HEY2: variants seen among roughly 807,000 people sequenced by gnomAD.
HEY2 encodes the protein hairy/enhancer-of-split related with YRPW motif protein 2.
HEY2 carries 10 observed loss-of-function variants against 18.1 expected under a neutral mutation model. The observed-to-expected ratio is 0.55, with a 90% CI of 0.34 to 0.94. HEY2 has a LOEUF of 0.94. HEY2 is among the 40% of genes least tolerant of loss of function. The pLI is 0.02. For missense variants in HEY2, 455 were observed against 455.9 expected (o/e 1.00, Z 0.02); for synonymous variants, 210 against 182.7 (o/e 1.15, Z -1.21).
In HEY2 at chr6:125,760,379, G is replaced by A. The variant is rs1030798151; in HGVS notation, c.*577G>A. 1 of 152,864 alleles carries A rather than the reference G, an allele frequency of 6.5e-6. No homozygotes were observed. Among genetic ancestry groups the A allele is most frequent in the African/African-American group, 2.4e-5 (1 of 41,454 alleles). 9.5% of individuals were successfully genotyped at this position (152,864 alleles called of 1,614,324 possible). A position where few individuals can be genotyped will look rare whatever the true frequency, so the allele number is the denominator to read the frequency against. On this transcript the variant is annotated 3_prime_UTR_variant, in exon 5 of 5. Coordinates refer to ENST00000368364, the MANE Select transcript of HEY2 (RefSeq NM_012259.3). ...ACCAACAGGTTTTACTGGTCAAAATGACTGCTGAAAATAATTTTCAAGTTG... is the reference window on the plus strand; with the variant it reads ...ACCAACAGGTTTTACTGGTCAAAATAACTGCTGAAAATAATTTTCAAGTTG...
In HEY2 at chr6:125,749,728, C is replaced by A. The variant is rs1305375286; in HGVS notation, c.-49C>A. 2 of 1,458,734 alleles carry A rather than the reference C, an allele frequency of 1.4e-6. No homozygotes were observed. Among genetic ancestry groups the A allele is most frequent in the Admixed American group, 4.0e-5 (2 of 50,016 alleles). 90.4% of individuals were successfully genotyped at this position (1,458,734 alleles called of 1,614,324 possible). A position where few individuals can be genotyped will look rare whatever the true frequency, so the allele number is the denominator to read the frequency against. ...GGGCGTCAGGGTGCTGCGCCCCGCT[C>A]GGCGTCCGAGCTTCCGGCCGGGCTG... On this transcript the variant is annotated 5_prime_UTR_variant, in exon 1 of 5. Coordinates refer to ENST00000368364, the MANE Select transcript of HEY2 (RefSeq NM_012259.3).
At chr6:125,754,167 T>C (rs3799711) in intron 3 of HEY2, among the ~76,000 whole-genome samples, 62,631 of 152,030 alleles carry the variant, frequency 0.41, 14,631 homozygotes, top group East Asian at 0.7. Context: ...TTTTTACAAC[T>C]GAAATCATTT....
intron 4 of HEY2, among the ~76,000 whole-genome samples, chr6:125,757,157 G>T (rs1583190398): frequency 6.6e-6 from 1 of 152,246 alleles, no homozygotes; most frequent in South Asian, 2.1e-4. Flanking sequence ...AGAGGATTTA[G>T]TAGAATAACC....
At position 125,749,637 on chromosome 6, in the gene HEY2, A is replaced by T; in HGVS notation, c.-140A>T. On this transcript the variant is annotated 5_prime_UTR_variant, in exon 1 of 5. Coordinates refer to ENST00000368364, the MANE Select transcript of HEY2 (RefSeq NM_012259.3). ...CGAGCAGAGTTGCGGCGTGGGAAAG[A>T]GCCGCTAGGAGCAGACCGCGCCGCC... 1 of 478,174 alleles carries T rather than the reference A, an allele frequency of 2.1e-6. No homozygotes were observed. Among genetic ancestry groups the T allele is most frequent in the Non-Finnish European group, 3.5e-6 (1 of 282,930 alleles). The allele number at this position is 478,174 out of a possible 1,614,324, so 29.6% of individuals were successfully genotyped here.
In HEY2 at chr6:125,754,454, T is replaced by C. The variant is rs369600144; in HGVS notation, c.247-11T>C. 120 of 1,449,970 alleles carry C rather than the reference T, an allele frequency of 8.3e-5. No homozygotes were observed. The African/African-American group carries it at 1.4e-3, about 17-fold the overall frequency. The allele number at this position is 1,449,970 out of a possible 1,614,324, so 89.8% of individuals were successfully genotyped here. On this transcript the variant is annotated splice_polypyrimidine_tract_variant and intron_variant, in intron 3 of 4. Transcript: ENST00000368364. ...ACATAGGATTATTTATTTATTTATT[T>C]ATTTATGAAGGGATCTGCAAAGTTA...
At chr6:125,751,277 G>C (rs1773537976) in intron 1 of HEY2, among the ~76,000 whole-genome samples, 1 of 152,184 alleles carries the variant, frequency 6.6e-6, no homozygotes, top group South Asian at 2.1e-4. Flanking sequence ...ATGACTAACT[G>C]AAGTTTTGAA....
chr6:125,756,539 C>A (rs1294889754), intron 4 of HEY2, among the ~76,000 whole-genome samples: 1 of 151,712 alleles, frequency 6.6e-6, no homozygotes, highest in Non-Finnish European at 1.5e-5. Flanking sequence ...TGCACTCCAG[C>A]CTGGGCAATA....
At position 125,759,756 on chromosome 6, in the gene HEY2, A is replaced by C. The variant is rs1274204301; in HGVS notation, c.968A>C (p.Asn323Thr). 6.2e-7 allele frequency: 1 copy of C among 1,613,854 alleles called. No individual in the cohort carries two copies. Among genetic ancestry groups the C allele is most frequent in the African/African-American group, 1.3e-5 (1 of 74,920 alleles). ...SSPQQTSSGT[N>T]NKPYRPWGTE... ...CCTCAGCAGACCAGCAGTGGAACAA[A>C]CAATAAACCTTACCGACCCTGGGGG... Residue 323 changes from asparagine to threonine, a missense_variant, in exon 5 of 5, where the codon AAC becomes ACC. Transcript: ENST00000368364.
chr6:125,755,575 A>T (rs911138556), intron 4 of HEY2, among the ~76,000 whole-genome samples: 1 of 152,140 alleles, frequency 6.6e-6, no homozygotes, highest in African/African-American at 2.4e-5. Context: ...ACTGTTACCA[A>T]TATTTAACTC....
In HEY2 at chr6:125,759,282, A is replaced by G. The variant is rs1286526266; in HGVS notation, c.494A>G (p.Glu165Gly). 1 of 1,606,374 alleles carries G rather than the reference A, an allele frequency of 6.2e-7. No individual in the cohort carries two copies. The highest frequency in any genetic ancestry group is 1.1e-5 in the South Asian group (1 of 91,058). The stretch of plus-strand genomic sequence containing the variant: ...CTCAGCACTTGCGCCACCCAGCGGG[A>G]GGCGGCGGCCATGACATCCTCCATG... ...SHLSTCATQR[E>G]AAAMTSSMAH... The change falls in exon 5 of 5, where the codon GAG becomes GGG. Residue 165 changes from glutamate to glycine, a missense_variant. Transcript: ENST00000368364.
At chr6:125,755,256 G>A (rs181670076) in intron 4 of HEY2, among the ~76,000 whole-genome samples, 6 of 152,236 alleles carry the variant, frequency 3.9e-5, no homozygotes, top group Admixed American at 3.9e-4. Flanking sequence ...GGTGAGAGAG[G>A]ATCTCATCTC....
At chr6:125,756,766 A>G (rs1773670035) in intron 4 of HEY2, among the ~76,000 whole-genome samples, 1 of 152,170 alleles carries the variant, frequency 6.6e-6, no homozygotes, top group Non-Finnish European at 1.5e-5. Flanking sequence ...CAGTTTTATC[A>G]TCTGTAAAAA....
Position 125,759,727 on chromosome 6 carries a change from C to A in HEY2, c.939C>A (p.Ser313=). The A allele has an allele frequency of 6.2e-7, 1 of 1,613,706 alleles. No homozygotes were observed. The highest frequency in any genetic ancestry group is 8.5e-7 in the Non-Finnish European group (1 of 1,180,044). ...CGCCCTTGTCAGTATCAGCCACGTCCAGTCCTCAGCAGACCAGCAGTGGAA... is the reference window on the plus strand; with the variant it reads ...CGCCCTTGTCAGTATCAGCCACGTCAAGTCCTCAGCAGACCAGCAGTGGAA... The part of the protein sequence containing the change: ...ISPPLSVSAT[S]SPQQTSSGTN... The change falls in exon 5 of 5, where the codon TCC becomes TCA. Residue 313 remains serine, a synonymous_variant. Coordinates refer to ENST00000368364, the MANE Select transcript of HEY2 (RefSeq NM_012259.3).
intron 1 of HEY2, chr6:125,750,514 C>A: frequency 5.9e-6 from 3 of 508,404 alleles, no homozygotes; most frequent in Non-Finnish European, 7.6e-6. Flanking sequence ...ATTTTAGAGC[C>A]AAGGCGGGTC....
intron 3 of HEY2, 30 bp downstream of exon 3, chr6:125,752,120 AC>A: frequency 2.3e-6 from 2 of 885,670 alleles, no homozygotes; most frequent in Non-Finnish European, 2.9e-6. Context: ...GAATCCCCCC[AC>A]CCACCCCGCC....
chr6:125,753,961 C>G (rs1773601391), intron 3 of HEY2, among the ~76,000 whole-genome samples: 1 of 152,096 alleles, frequency 6.6e-6, no homozygotes, highest in Non-Finnish European at 1.5e-5. Flanking sequence ...TATTTCAGGA[C>G]TTAGTAGGCC....
chr6:125,752,379 A>T (rs1773565838), intron 3 of HEY2, among the ~76,000 whole-genome samples: 1 of 151,566 alleles, frequency 6.6e-6, no homozygotes, highest in African/African-American at 2.4e-5. Context: ...TCTTTCTATG[A>T]ATACCAGTAG....
intron 1 of HEY2, among the ~76,000 whole-genome samples, chr6:125,750,999 G>A (rs1325987971): frequency 1.3e-5 from 2 of 152,148 alleles, no homozygotes; most frequent in East Asian, 3.8e-4. Flanking sequence ...AGAAAGGATT[G>A]TAAAAATTAT....
At position 125,749,643 on chromosome 6, in the gene HEY2, T is replaced by G. The variant is rs7764016; in HGVS notation, c.-134T>G. On this transcript the variant is annotated 5_prime_UTR_variant, in exon 1 of 5. Coordinates refer to ENST00000368364, the MANE Select transcript of HEY2 (RefSeq NM_012259.3). ...GAGTTGCGGCGTGGGAAAGAGCCGC[T>G]AGGAGCAGACCGCGCCGCCGCCGGA... 233,200 of 500,984 alleles carry G rather than the reference T, an allele frequency of 0.47. 57,892 individuals are homozygous for G. Among genetic ancestry groups the G allele is most frequent in the East Asian group, 0.61 (16,741 of 27,552 alleles). The allele number at this position is 500,984 out of a possible 1,614,324, so 31.0% of individuals were successfully genotyped here. A position where few individuals can be genotyped will look rare whatever the true frequency, so the allele number is the denominator to read the frequency against.
Sources: allele counts gnomAD v4.1 joint callset (sites outside exome capture counted in the v4.1 genomes callset), GRCh38; gene constraint gnomAD v4.1.1; transcripts MANE v1.5; gene names NCBI Gene and HGNC (gene_info 2026-07-23, HGNC 2026-07-21).